GPC5: variants seen among roughly 807,000 people sequenced by gnomAD.
GPC5 encodes glypican-5.
Under a neutral mutation model 53.9 loss-of-function variants are expected in GPC5, and 47 were observed. The ratio of observed to expected loss-of-function variants is 0.87; its 90% CI spans 0.69 to 1.11. The LOEUF is 1.11. Among genes scored for constraint, GPC5 ranks in the 50% most tolerant of loss-of-function variants. The probability of loss-of-function intolerance (pLI) is 0.00; values close to 1 mark genes in which losing one functional copy is unlikely to be tolerated. For missense variants in GPC5, 748 were observed against 713.1 expected, an observed-to-expected ratio of 1.05 and a Z score of -0.56; for synonymous variants, 286 against 263.3, an observed-to-expected ratio of 1.09 and a Z score of -0.84.
intron 2 of GPC5, among the ~76,000 whole-genome samples, chr13:91,480,815 T>A (rs1049124472): frequency 7.2e-5 from 11 of 152,294 alleles, no homozygotes; most frequent in South Asian, 4.1e-4. Flanking sequence ...GGCAACCTTA[T>A]TTTTCCTTGT....
chr13:91,587,669 T>C (rs2032649308), intron 2 of GPC5, among the ~76,000 whole-genome samples: 1 of 152,192 alleles, frequency 6.6e-6, no homozygotes, highest in Non-Finnish European at 1.5e-5. Flanking sequence ...CATTTATGTT[T>C]TGAAATATCA....
intron 7 of GPC5, among the ~76,000 whole-genome samples, chr13:92,340,150 C>T (rs2043354287): frequency 6.6e-6 from 1 of 151,962 alleles, no homozygotes; most frequent in South Asian, 2.1e-4. Flanking sequence ...TAATTAAGGA[C>T]ACAATCAGGA....
intron 5 of GPC5, among the ~76,000 whole-genome samples, chr13:91,770,400 A>C (rs1006691032): frequency 2.0e-5 from 3 of 152,178 alleles, no homozygotes; most frequent in Admixed American, 2.0e-4. Flanking sequence ...TCCTCTCTGG[A>C]GAATGGAAAG....
intron 5 of GPC5, among the ~76,000 whole-genome samples, chr13:91,885,099 G>T (rs1051435621): frequency 2.0e-5 from 3 of 151,992 alleles, no homozygotes; most frequent in African/African-American, 7.2e-5. Context: ...GCAGGATTTT[G>T]GCTTCACAGT....
chr13:91,758,051 G>GA lies in GPC5; in HGVS notation c.1280+1640dup, dbSNP rs564867350. 3.4e-3 allele frequency among the ~76,000 whole-genome samples: 511 copies of GA among 150,408 alleles called. 3 individuals carry two copies. The highest frequency in any genetic ancestry group is 0.031 in the Middle Eastern group (9 of 290). ...ATCTCATAGAGACTTAGACTTCACA[G>GA]AAAAAAAAATTGAAGACAAAAACTG... On this transcript the variant is annotated intron_variant, in intron 5 of 7. Transcript: ENST00000377067.
intron 4 of GPC5, among the ~76,000 whole-genome samples, chr13:91,731,285 C>A (rs1566644814): frequency 6.6e-6 from 1 of 152,164 alleles, no homozygotes; most frequent in African/African-American, 2.4e-5. Flanking sequence ...ATAAGCCAAC[C>A]TTCACCAAGT....
intron 2 of GPC5, among the ~76,000 whole-genome samples, chr13:91,603,535 T>G (rs959047380): frequency 2.6e-5 from 4 of 152,242 alleles, no homozygotes; most frequent in African/African-American, 9.6e-5. Flanking sequence ...CAGGGATATC[T>G]TTGAAGATTG....
At chr13:91,974,448 A>G (rs1303872979) in intron 6 of GPC5, among the ~76,000 whole-genome samples, 1 of 152,004 alleles carries the variant, frequency 6.6e-6, no homozygotes, top group Non-Finnish European at 1.5e-5. Context: ...AATGTACAAA[A>G]ATCACAAGCA....
chr13:91,588,529 G>T (rs1230069199), intron 2 of GPC5, among the ~76,000 whole-genome samples: 3 of 152,092 alleles, frequency 2.0e-5, no homozygotes, highest in African/African-American at 4.8e-5. Context: ...CCCTCTACAG[G>T]TGATGTATTC....
intron 7 of GPC5, among the ~76,000 whole-genome samples, chr13:92,682,048 G>T: frequency 6.6e-6 from 1 of 152,170 alleles, no homozygotes; most frequent in Non-Finnish European, 1.5e-5. Context: ...TCCCCAGTGT[G>T]TAGATGCATA....
At chr13:91,825,613 T>C (rs1377086661) in intron 5 of GPC5, among the ~76,000 whole-genome samples, 2 of 151,676 alleles carry the variant, frequency 1.3e-5, no homozygotes, top group Non-Finnish European at 2.9e-5. Flanking sequence ...CAAAAGAAAG[T>C]AGAAACTGGA....
At position 92,391,332 on chromosome 13, in the gene GPC5, G is replaced by C. The variant is rs551695781; in HGVS notation, c.1561+246343G>C. ...TTTTTACCAGTAATGAGATAGGATT[G>C]TGCATTAAGATACAGTCCAACTGTG... On this transcript the variant is annotated intron_variant, in intron 7 of 7. Coordinates refer to ENST00000377067, the MANE Select transcript of GPC5 (RefSeq NM_004466.6). Among the ~76,000 whole-genome samples, 3 of 152,230 alleles carry C rather than the reference G, an allele frequency of 2.0e-5. No homozygotes were observed. In the East Asian group the frequency reaches 5.8e-4, roughly 29 times the overall value.
chr13:92,181,914 T>C (rs1176624208), intron 7 of GPC5, among the ~76,000 whole-genome samples: 1 of 152,156 alleles, frequency 6.6e-6, no homozygotes, highest in African/African-American at 2.4e-5. Context: ...AAAGGATAGA[T>C]AATAAGGAGG....
chr13:92,109,337 G>T lies in GPC5; in HGVS notation c.1402-35493G>T, dbSNP rs555089307. Among the ~76,000 whole-genome samples the T allele has an allele frequency of 9.2e-5, 14 of 152,138 alleles. No homozygotes were observed. In the South Asian group the frequency reaches 2.7e-3, roughly 29 times the overall value. On this transcript the variant is annotated intron_variant, in intron 6 of 7. Transcript: ENST00000377067. ...CTACTTTGGCCTCCCAAAGTGCCAGGATTATAGGCAGAAGCAACTGTACAT... is the reference window on the plus strand; with the variant it reads ...CTACTTTGGCCTCCCAAAGTGCCAGTATTATAGGCAGAAGCAACTGTACAT...
At chr13:91,915,185 T>G (rs1382791292) in intron 6 of GPC5, among the ~76,000 whole-genome samples, 1 of 152,148 alleles carries the variant, frequency 6.6e-6, no homozygotes. Context: ...CAAAACAGAT[T>G]TAGTTAGTTA....
Position 92,411,846 on chromosome 13 carries a change from G to A in GPC5, c.1561+266857G>A, listed in dbSNP as rs151227136. Reference sequence around the variant, plus strand: ...AGAGCTTGTATATATGTATAAAATGGTTATGTGTATTTATGTCCATTTACC... The same window carrying A: ...AGAGCTTGTATATATGTATAAAATGATTATGTGTATTTATGTCCATTTACC... On this transcript the variant is annotated intron_variant, in intron 7 of 7. Transcript: ENST00000377067. 2.2e-4 allele frequency among the ~76,000 whole-genome samples: 33 copies of A among 151,766 alleles called. 1 individual carries two copies. In the East Asian group the frequency reaches 6.5e-3, roughly 30 times the overall value.
intron 7 of GPC5, among the ~76,000 whole-genome samples, chr13:92,242,405 A>C (rs9584004): frequency 0.56 from 85,488 of 151,712 alleles, 24,337 homozygotes; most frequent in South Asian, 0.65. Context: ...GCATTTATCT[A>C]TGAATGTGCC....
intron 2 of GPC5, among the ~76,000 whole-genome samples, chr13:91,688,412 T>C (rs2035668855): frequency 6.6e-6 from 1 of 152,148 alleles, no homozygotes; most frequent in African/African-American, 2.4e-5. Context: ...TGATCACAGA[T>C]ATATAAAAAT....
At chr13:91,600,696 G>T (rs185883991) in intron 2 of GPC5, among the ~76,000 whole-genome samples, 1 of 152,106 alleles carries the variant, frequency 6.6e-6, no homozygotes, top group Non-Finnish European at 1.5e-5. Context: ...GTTATGTTAG[G>T]TTTTATCAAT....
Sources: gnomAD v4.1 joint callset for allele counts (sites outside exome capture counted in the v4.1 genomes callset) on GRCh38, gnomAD v4.1.1 for gene constraint, MANE v1.5 for transcripts, NCBI Gene and HGNC (gene_info 2026-07-23, HGNC 2026-07-21) for gene names.